The following PITRM1 variants were observed in gnomAD, a reference collection of about 807,000 sequenced individuals.
PITRM1 encodes pitrilysin metallopeptidase 1.
A neutral mutation model predicts 129.9 loss-of-function variants in PITRM1; 100 were observed. The ratio of observed to expected loss-of-function variants is 0.77; its 90% CI spans 0.65 to 0.91. PITRM1 has a LOEUF of 0.91. Among genes scored for constraint, PITRM1 ranks in the 40% least tolerant of loss-of-function variants. The pLI is 0.00. For synonymous variants in PITRM1, 591 were observed against 508.8 expected (o/e 1.16, Z -2.17); for missense variants, 1,471 against 1,318.3 (o/e 1.12, Z -1.79).
At chr10:3,170,943 A>G (rs909979222) in intron 1 of PITRM1, among the ~76,000 whole-genome samples, 1 of 151,828 alleles carries the variant, frequency 6.6e-6, no homozygotes, top group African/African-American at 2.4e-5. Flanking sequence ...AGCCTGGGTG[A>G]CAGAGCAAGA....
At position 3,143,420 on chromosome 10, in the gene PITRM1, T is replaced by C. The variant is rs764140057; in HGVS notation, c.2614A>G (p.Thr872Ala). The C allele has an allele frequency of 1.9e-6, 3 of 1,613,050 alleles. No homozygotes were observed. Among genetic ancestry groups the C allele is most frequent in the Admixed American group, 3.3e-5 (2 of 59,996 alleles). ...PVNYVGECIR[T>A]VPYTDPDHAS... is the part of the protein sequence containing the mutation. ...TGATCTGGGTCCGTGTAGGGGACAG[T>C]TCGGATGCATTCACCCACGTAATTC... The change falls in exon 23 of 27, where the codon ACT becomes GCT. Residue 872 changes from threonine to alanine, a missense_variant. By Grantham distance (58) the Thr-to-Ala change is moderately conservative. Coordinates refer to ENST00000224949, the MANE Select transcript of PITRM1 (RefSeq NM_014889.4).
intron 22 of PITRM1, 58 bp from the exon 23 acceptor site, chr10:3,143,559 G>A (rs1840495791): frequency 8.4e-7 from 1 of 1,192,894 alleles, no homozygotes; most frequent in East Asian, 2.3e-5. Flanking sequence ...CCACGGCACT[G>A]GGACTGGACC....
At chr10:3,144,740 G>A (rs1030392060) in intron 21 of PITRM1, among the ~76,000 whole-genome samples, 14 of 152,224 alleles carry the variant, frequency 9.2e-5, no homozygotes, top group South Asian at 4.2e-4. Flanking sequence ...AGGAGGTCAC[G>A]GCTACAGCTA....
chr10:3,168,702 G>T (rs893718193), intron 2 of PITRM1, among the ~76,000 whole-genome samples: 1 of 152,206 alleles, frequency 6.6e-6, no homozygotes, highest in Admixed American at 6.5e-5. Context: ...GCCCTGTGAA[G>T]AGATGCCTTC....
At chr10:3,145,122 A>G in intron 21 of PITRM1, 1 of 157,374 alleles carries the variant, frequency 6.4e-6, no homozygotes. Context: ...CATGAGCGTC[A>G]ACCTCCTCCA....
chr10:3,140,884 A>T (rs556950543), intron 23 of PITRM1, 72 bp from the exon 24 acceptor site: 1 of 1,256,196 alleles, frequency 8.0e-7, no homozygotes, highest in Non-Finnish European at 1.1e-6. Context: ...TAATTGTTGG[A>T]TTAAGTGAAA....
intron 7 of PITRM1, chr10:3,163,353 G>A (rs1432690814): frequency 6.3e-6 from 1 of 159,102 alleles, no homozygotes; most frequent in African/African-American, 2.4e-5. Context: ...TATTGGAAGA[G>A]CACTTCTCCG....
chr10:3,164,023 T>TAA (rs5782688), intron 6 of PITRM1, 138 bp from the exon 7 acceptor site: 6,086 of 332,042 alleles, frequency 0.018, 37 homozygotes, highest in East Asian at 0.063. Context: ...TCTAATGGTT[T>TAA]AAAAAAAAAA....
chr10:3,170,390 G>A (rs1487754711), intron 1 of PITRM1, among the ~76,000 whole-genome samples, 184 bp from the exon 2 acceptor site: 1 of 152,116 alleles, frequency 6.6e-6, no homozygotes, highest in Non-Finnish European at 1.5e-5. Flanking sequence ...CCATTTTAAT[G>A]ATCTTTATCT....
chr10:3,159,390 G>C (rs192274458), intron 9 of PITRM1, among the ~76,000 whole-genome samples: 1 of 152,352 alleles, frequency 6.6e-6, no homozygotes, highest in Non-Finnish European at 1.5e-5. Context: ...CTGAGCACGG[G>C]AGGGCCCAGA....
intron 22 of PITRM1, chr10:3,144,021 A>C: frequency 3.5e-6 from 2 of 565,060 alleles, no homozygotes; most frequent in Non-Finnish European, 6.3e-6. Context: ...CCAGAGCAGT[A>C]GCCCTCTTCC....
rs1464290943 is a variant in PITRM1 at position 3,148,047 on chromosome 10, G to C, written c.2009C>G (p.Ser670Cys). 1.2e-6 allele frequency: 2 copies of C among 1,613,698 alleles called. No individual in the cohort carries two copies. The highest frequency in any genetic ancestry group is 4.5e-5 in the East Asian group (2 of 44,892). The change falls in exon 18 of 27, where the codon TCT becomes TGT. Residue 670 changes from serine (S) to cysteine (C), a missense_variant. Coordinates refer to ENST00000224949, the MANE Select transcript of PITRM1 (RefSeq NM_014889.4). The part of the protein sequence containing the change: ...DTYEQGVLFS[S>C]LCLDRNLPDM... ...TGGCAGGTTTCGATCCAGGCAGAGA[G>C]AGGAGAAAAGCACACCCTGAACCAA...
At chr10:3,172,814 A>G, upstream of PITRM1, 2 of 1,526,580 alleles carry the variant, frequency 1.3e-6, no homozygotes, top group Non-Finnish European at 1.8e-6. Context: ...CCCCCTCTTA[A>G]CCCGACGCAG....
intron 9 of PITRM1, among the ~76,000 whole-genome samples, chr10:3,159,260 C>G (rs1842238053): frequency 6.6e-6 from 1 of 152,206 alleles, no homozygotes; most frequent in Non-Finnish European, 1.5e-5. Context: ...ACACGAAATG[C>G]TCACCATGGG....
intron 20 of PITRM1, chr10:3,146,219 C>T (rs191244929): frequency 2.3e-4 from 37 of 162,618 alleles, no homozygotes; most frequent in Admixed American, 1.2e-3. Context: ...ATAAAAGCTA[C>T]TTGAACTCTA....
chr10:3,147,715 G>A lies in PITRM1; in HGVS notation c.2092C>T (p.His698Tyr). The change falls in exon 19 of 27, where the codon CAC (histidine) becomes TAC (tyrosine). Residue 698 changes from histidine to tyrosine, a missense_variant. Physicochemically the swap from His to Tyr is moderately conservative, Grantham distance 83. Coordinates refer to ENST00000224949, the MANE Select transcript of PITRM1 (RefSeq NM_014889.4). ...FNNPCFEEEE[H>Y]FKVLVKMTAQ... ...GTCATCTTCACCAGCACCTTGAAGT[G>A]CTCCTCTTCTTCAAAGCACGGGCTA... 2 of 1,598,370 alleles carry A rather than the reference G, an allele frequency of 1.3e-6. No individual in the cohort carries two copies. Among genetic ancestry groups the A allele is most frequent in the South Asian group, 1.1e-5 (1 of 88,158 alleles).
At chr10:3,157,260 T>G (rs1432953585) in intron 12 of PITRM1, 175 bp downstream of exon 12, 1 of 660,082 alleles carries the variant, frequency 1.5e-6, no homozygotes, top group Non-Finnish European at 2.4e-6. Context: ...TCCAATAAAA[T>G]AAAAAGCACA....
intron 19 of PITRM1, 92 bp downstream of exon 19, chr10:3,147,480 T>C (rs1841011859): frequency 7.2e-7 from 1 of 1,384,250 alleles, no homozygotes; most frequent in South Asian, 1.2e-5. Flanking sequence ...TTAGCATTTC[T>C]GGGACATAAA....
chr10:3,144,234 C>A, intron 22 of PITRM1, 58 bp downstream of exon 22: 1 of 933,434 alleles, frequency 1.1e-6, no homozygotes, highest in Non-Finnish European at 1.7e-6. Flanking sequence ...CAGTGGCAGA[C>A]ACAGCCATGC....
Sources: gnomAD v4.1 joint callset for allele counts (sites outside exome capture counted in the v4.1 genomes callset) on GRCh38, gnomAD v4.1.1 for gene constraint, MANE v1.5 for transcripts, NCBI Gene and HGNC (gene_info 2026-07-23, HGNC 2026-07-21) for gene names.